Variants in CASD1 observed in about 807,000 individuals in gnomAD.
CASD1 encodes the protein CAS1 domain sialic acid O acetyltransferase 1, also known as N-acetylneuraminate (7)9-O-acetyltransferase.
A neutral mutation model predicts 100.0 loss-of-function variants in CASD1; 41 were observed. The observed-to-expected ratio is 0.41, with a 90% CI of 0.32 to 0.53. CASD1 has a LOEUF of 0.53. Among genes scored for constraint, CASD1 ranks in the 20% least tolerant of loss-of-function variants. The probability of loss-of-function intolerance (pLI) is 0.25; values close to 1 mark genes in which losing one functional copy is unlikely to be tolerated. For missense variants in CASD1, 774 were observed against 948.7 expected, an observed-to-expected ratio of 0.82 and a Z score of 2.42; for synonymous variants, 321 against 315.6, an observed-to-expected ratio of 1.02 and a Z score of -0.18.
the CASD1 span, among the ~76,000 whole-genome samples, chr7:94,579,300 A>G: frequency 1.3e-5 from 2 of 151,964 alleles, no homozygotes; most frequent in African/African-American, 2.4e-5. Flanking sequence ...CCTAACATTT[A>G]ATTTGCTTTA....
At position 94,521,566 on chromosome 7, in the gene CASD1, G is replaced by T. The variant is rs1325078515; in HGVS notation, c.351+3243G>T. Among the ~76,000 whole-genome samples the T allele has an allele frequency of 2.0e-5, 3 of 151,874 alleles. No homozygotes were observed. The East Asian group carries it at 5.8e-4, about 29-fold the overall frequency. ...GAAACTTCAAGAATAAGGACCGAAA[G>T]AATTGAATTAGAATGTATAAATTTC... On this transcript the variant is annotated intron_variant, in intron 3 of 17. Transcript: ENST00000297273.
the CASD1 span, chr7:94,587,140 T>C: frequency 1.0e-6 from 1 of 983,668 alleles, no homozygotes; most frequent in Non-Finnish European, 1.2e-6. Flanking sequence ...TAAAATCCCC[T>C]AGGAAAACTC....
At chr7:94,531,520 G>C (rs1794850212) in intron 5 of CASD1, among the ~76,000 whole-genome samples, 2 of 152,110 alleles carry the variant, frequency 1.3e-5, no homozygotes, top group African/African-American at 4.8e-5. Context: ...GATAACCAAT[G>C]TAAGTTTTGG....
At chr7:94,539,240 A>T (rs568776875) in intron 10 of CASD1, among the ~76,000 whole-genome samples, 184 bp downstream of exon 10, 5 of 152,054 alleles carry the variant, frequency 3.3e-5, no homozygotes, top group African/African-American at 4.8e-5. Flanking sequence ...TCAAAGCAAA[A>T]TTTTTTTTAA....
chr7:94,574,124 T>C, the CASD1 span, among the ~76,000 whole-genome samples: 1 of 152,188 alleles, frequency 6.6e-6, no homozygotes, highest in Non-Finnish European at 1.5e-5. Flanking sequence ...CTGGATTCAG[T>C]TTGCAAGTAT....
the CASD1 span, chr7:94,616,884 T>G: frequency 6.6e-6 from 1 of 152,208 alleles, no homozygotes; most frequent in Non-Finnish European, 1.5e-5. Context: ...ATGAATATTT[T>G]GTAAAGGTTA....
At position 94,528,227 on chromosome 7, in the gene CASD1, CAG is replaced by C. The variant is rs760277196; in HGVS notation, c.437_438del (p.Gln146LeufsTer7). On this transcript the variant is annotated frameshift_variant, in exon 5 of 18. Coordinates refer to ENST00000297273, the MANE Select transcript of CASD1 (RefSeq NM_022900.5). LOFTEE classifies it high-confidence loss of function. ...TCCTGAAGTTAATGGTTCTATGAAA[CAG>C]TGTATCAAAGTGTGGACTGAGGTCT... is the stretch of plus-strand genomic sequence containing the variant. ...WHPEVNGSMK[Q>X]CIKVWTEDSI... 6.2e-7 allele frequency: 1 copy of C among 1,607,116 alleles called. No individual in the cohort carries two copies. The highest frequency in any genetic ancestry group is 8.5e-7 in the Non-Finnish European group (1 of 1,176,676).
chr7:94,623,277 G>T, the CASD1 span: 2 of 1,182,612 alleles, frequency 1.7e-6, no homozygotes, highest in African/African-American at 1.6e-5. Flanking sequence ...AAAACATAAT[G>T]AAATACTTCT....
the CASD1 span, chr7:94,599,689 A>G: frequency 6.2e-7 from 1 of 1,609,626 alleles, no homozygotes; most frequent in Non-Finnish European, 8.5e-7. Context: ...AGGAAAGAAG[A>G]CACTTACTCT....
At chr7:94,535,651 A>G (rs1795081951) in intron 8 of CASD1, 128 bp downstream of exon 8, 1 of 664,582 alleles carries the variant, frequency 1.5e-6, no homozygotes, top group Non-Finnish European at 2.6e-6. Context: ...GTTATTGTGT[A>G]TAAAGATACA....
rs1385649772 is a variant in CASD1 at position 94,510,143 on chromosome 7, G to A, written c.59G>A (p.Arg20Lys). Residue 20 changes from arginine to lysine, a missense_variant, in exon 1 of 18, where the codon AGG becomes AAG. Physicochemically the swap from Arg to Lys is conservative, Grantham distance 26. Transcript: ENST00000297273. ...GAGATCAACCACTACTTCAGCGTGA[G>A]GAGCGCCAAGGTGCTGGCGCTGGTG... ...KREINHYFSVRSAKVLALVAV... is the reference protein window; with the variant it reads ...KREINHYFSVKSAKVLALVAV... The A allele has an allele frequency of 9.2e-6, 14 of 1,529,844 alleles. No homozygotes were observed. The highest frequency in any genetic ancestry group is 1.2e-5 in the Non-Finnish European group (14 of 1,137,244). The allele number at this position is 1,529,844 out of a possible 1,614,324, so 94.8% of individuals were successfully genotyped here.
At chr7:94,549,761 TC>T in intron 14 of CASD1, 127 bp downstream of exon 14, 1 of 625,980 alleles carries the variant, frequency 1.6e-6, no homozygotes, top group Non-Finnish European at 2.7e-6. Context: ...ATCAAAGCAG[TC>T]CAGCAGTCCA....
chr7:94,534,046 CA>C (rs1349275884), intron 7 of CASD1, among the ~76,000 whole-genome samples: 142 of 149,610 alleles, frequency 9.5e-4, no homozygotes, highest in Non-Finnish European at 1.7e-3. Context: ...GAATGTATGA[CA>C]AAAAGATAAG....
chr7:94,552,556 C>A (rs1796001854), intron 16 of CASD1, 129 bp downstream of exon 16: 1 of 643,324 alleles, frequency 1.6e-6, no homozygotes, highest in Non-Finnish European at 2.7e-6. Flanking sequence ...TAAGCCCTTC[C>A]TTTCTCTGTA....
intron 13 of CASD1, 75 bp from the exon 14 acceptor site, chr7:94,549,458 A>G: frequency 3.9e-6 from 4 of 1,017,628 alleles, no homozygotes; most frequent in Non-Finnish European, 5.8e-6. Context: ...TCAGAAAACT[A>G]TAATCTGTAA....
At chr7:94,607,173 A>G in the CASD1 span, among the ~76,000 whole-genome samples, 1 of 152,204 alleles carries the variant, frequency 6.6e-6, no homozygotes, top group Non-Finnish European at 1.5e-5. Context: ...CTTCTAAAGC[A>G]GAAAGCATCA....
At chr7:94,533,611 G>A (rs1794961358) in intron 6 of CASD1, 68 bp from the exon 7 acceptor site, 1 of 1,181,706 alleles carries the variant, frequency 8.5e-7, no homozygotes, top group Non-Finnish European at 1.2e-6. Context: ...TGTTACAGTA[G>A]GTAAATTATA....
In CASD1 at chr7:94,556,859, G is replaced by A. The variant is rs1315717596; in HGVS notation, c.*1101G>A. 6.6e-6 allele frequency: 1 copy of A among 151,972 alleles called. No homozygotes were observed. Among genetic ancestry groups the A allele is most frequent in the Non-Finnish European group, 1.5e-5 (1 of 67,902 alleles). 9.4% of individuals were successfully genotyped at this position (151,972 alleles called of 1,614,324 possible). On this transcript the variant is annotated 3_prime_UTR_variant, in exon 18 of 18. Coordinates refer to ENST00000297273, the MANE Select transcript of CASD1 (RefSeq NM_022900.5). Reference sequence around the variant, plus strand: ...TTGATTATGATTTTAATGTTTGAAAGATTGCACTTGTTTGCTTTTACTATA... The same window carrying A: ...TTGATTATGATTTTAATGTTTGAAAAATTGCACTTGTTTGCTTTTACTATA...
the CASD1 span, chr7:94,628,133 A>G: frequency 8.6e-6 from 10 of 1,168,218 alleles, no homozygotes; most frequent in Non-Finnish European, 1.2e-5. Context: ...AACTCAAATT[A>G]CAATACACAC....
Sources: gnomAD v4.1 joint callset for allele counts (sites outside exome capture counted in the v4.1 genomes callset) on GRCh38, gnomAD v4.1.1 for gene constraint, MANE v1.5 for transcripts, NCBI Gene and HGNC (gene_info 2026-07-23, HGNC 2026-07-21) for gene names.